The following CUL1 variants were observed in gnomAD, a reference collection of about 807,000 sequenced individuals.
CUL1 encodes the protein cullin-1.
Under a neutral mutation model 118.0 loss-of-function variants are expected in CUL1, and 24 were observed. That is an observed-to-expected ratio of 0.20 (90% confidence interval 0.15 to 0.29). The LOEUF (loss-of-function observed/expected upper bound fraction) is 0.29, where lower values mean the gene tolerates loss of function less well. CUL1 is among the 10% of genes least tolerant of loss of function. CUL1 has a pLI of 1.00. For missense variants in CUL1, 361 were observed against 933.8 expected, an observed-to-expected ratio of 0.39 and a Z score of 7.99; for synonymous variants, 332 against 340.4, an observed-to-expected ratio of 0.98 and a Z score of 0.27.
chr7:148,797,322 A>C (rs1801234252), intron 17 of CUL1, among the ~76,000 whole-genome samples: 1 of 151,200 alleles, frequency 6.6e-6, no homozygotes, highest in Non-Finnish European at 1.5e-5. Context: ...TACAGGTTCA[A>C]CATCCCTAAT....
chr7:148,712,305 G>C (rs1402284085), intron 1 of CUL1, among the ~76,000 whole-genome samples: 1 of 152,198 alleles, frequency 6.6e-6, no homozygotes, highest in Non-Finnish European at 1.5e-5. Context: ...TTTCATGGTA[G>C]AATGAAAGAT....
chr7:148,716,645 A>G (rs778752312), intron 1 of CUL1, among the ~76,000 whole-genome samples: 1 of 152,246 alleles, frequency 6.6e-6, no homozygotes, highest in Non-Finnish European at 1.5e-5. Context: ...AGAAAAATGT[A>G]TCTACACTTA....
At chr7:148,742,967 T>C (rs982199996) in intron 2 of CUL1, among the ~76,000 whole-genome samples, 1 of 152,238 alleles carries the variant, frequency 6.6e-6, no homozygotes, top group African/African-American at 2.4e-5. Context: ...TTTTTAGCCT[T>C]ATTCTGCAAA....
intron 1 of CUL1, among the ~76,000 whole-genome samples, chr7:148,703,707 A>G (rs1797791336): frequency 6.6e-6 from 1 of 151,448 alleles, no homozygotes; most frequent in African/African-American, 2.4e-5. Context: ...AATTTTTTGT[A>G]TTTTTAGTAG....
intron 9 of CUL1, among the ~76,000 whole-genome samples, chr7:148,775,568 AAG>A (rs1362972075): frequency 5.9e-5 from 9 of 152,232 alleles, no homozygotes; most frequent in Non-Finnish European, 1.0e-4. Flanking sequence ...GGAAAGGAGA[AAG>A]AGTGTCTTTA....
chr7:148,796,643 G>A (rs1801208622), intron 17 of CUL1, among the ~76,000 whole-genome samples: 1 of 152,154 alleles, frequency 6.6e-6, no homozygotes, highest in Non-Finnish European at 1.5e-5. Context: ...TGAGGACAGG[G>A]CTGACAGGTG....
chr7:148,718,253 C>G, intron 1 of CUL1, among the ~76,000 whole-genome samples: 1 of 152,188 alleles, frequency 6.6e-6, no homozygotes, highest in Non-Finnish European at 1.5e-5. Context: ...ATAAAAGTCA[C>G]TCATTTAAAA....
At chr7:148,797,022 C>T (rs1801223430) in intron 17 of CUL1, among the ~76,000 whole-genome samples, 1 of 152,112 alleles carries the variant, frequency 6.6e-6, no homozygotes, top group Admixed American at 6.6e-5. Flanking sequence ...CAGGCTGGTC[C>T]CTTGGATTTC....
chr7:148,714,891 GTTTGT>G (rs1798165017), intron 1 of CUL1, among the ~76,000 whole-genome samples: 1 of 152,102 alleles, frequency 6.6e-6, no homozygotes, highest in South Asian at 2.1e-4. Flanking sequence ...TTGTTTGTTT[GTTTGT>G]TTTGTGTGTG....
At chr7:148,777,285 G>A (rs754184367) in intron 9 of CUL1, among the ~76,000 whole-genome samples, 9 of 152,152 alleles carry the variant, frequency 5.9e-5, no homozygotes, top group Non-Finnish European at 1.2e-4. Context: ...TGTGGTCTGA[G>A]GTGCAGAGCC....
intron 17 of CUL1, among the ~76,000 whole-genome samples, chr7:148,795,769 CAAAAAA>C (rs915978562): frequency 3.6e-5 from 2 of 56,100 alleles, no homozygotes; most frequent in East Asian, 5.9e-4. Context: ...GACTCTGTCT[CAAAAAA>C]AAAAAAAAAA....
At chr7:148,721,634 G>A (rs1003879580) in intron 1 of CUL1, among the ~76,000 whole-genome samples, 1 of 151,986 alleles carries the variant, frequency 6.6e-6, no homozygotes, top group Non-Finnish European at 1.5e-5. Context: ...CATTCATGTC[G>A]GGGAGAGCTA....
chr7:148,715,743 C>T, intron 1 of CUL1, among the ~76,000 whole-genome samples: 1 of 152,132 alleles, frequency 6.6e-6, no homozygotes, highest in Non-Finnish European at 1.5e-5. Flanking sequence ...CTTTGGGCTA[C>T]AATTTTTAAA....
Position 148,716,028 on chromosome 7 carries a change from G to A in CUL1, c.-161-13934G>A, listed in dbSNP as rs150063965. Among the ~76,000 whole-genome samples the A allele has an allele frequency of 1.9e-3, 283 of 152,148 alleles. 1 individual carries two copies. The highest frequency in any genetic ancestry group is 6.1e-3 in the African/African-American group (253 of 41,492). ...TAATCTAGAACTGCCATGATATTTC[G>A]TACTTGTGAGTTCATATTTATTTAC... On this transcript the variant is annotated intron_variant, in intron 1 of 21. Transcript: ENST00000325222.
rs1169509086 is a variant in CUL1 at position 148,740,244 on chromosome 7, A to G, written c.140+9982A>G. ...ATTTTTTTGTATTTTTAACAGAGACAGGATTTCACCATGTTGGCCAGGCTG... is the reference window on the plus strand; with the variant it reads ...ATTTTTTTGTATTTTTAACAGAGACGGGATTTCACCATGTTGGCCAGGCTG... On this transcript the variant is annotated intron_variant, in intron 2 of 21. Coordinates refer to ENST00000325222, the MANE Select transcript of CUL1 (RefSeq NM_003592.3). Among the ~76,000 whole-genome samples the G allele has an allele frequency of 3.9e-5, 6 of 152,152 alleles. No individual in the cohort carries two copies. The East Asian group carries it at 1.2e-3, about 29-fold the overall frequency.
chr7:148,795,085 G>A (rs1051208760), intron 17 of CUL1, among the ~76,000 whole-genome samples: 8 of 152,074 alleles, frequency 5.3e-5, no homozygotes, highest in East Asian at 3.9e-4. Context: ...TGCCTGCCTC[G>A]GCCTCCCAAA....
At chr7:148,794,061 A>G (rs1801104613) in intron 17 of CUL1, among the ~76,000 whole-genome samples, 2 of 151,942 alleles carry the variant, frequency 1.3e-5, no homozygotes, top group African/African-American at 4.8e-5. Flanking sequence ...GAAATGTTTG[A>G]TCAAATTCTT....
At chr7:148,789,882 C>T in intron 15 of CUL1, 56 bp downstream of exon 15, 7 of 1,514,968 alleles carry the variant, frequency 4.6e-6, no homozygotes, top group Non-Finnish European at 6.4e-6. Flanking sequence ...TGGGGCAGGG[C>T]AGCCTTCACT....
intron 1 of CUL1, among the ~76,000 whole-genome samples, chr7:148,719,886 A>G (rs1426217372): frequency 6.6e-6 from 1 of 152,218 alleles, no homozygotes; most frequent in Non-Finnish European, 1.5e-5. Context: ...AACTCTTGGT[A>G]GCACACTTCT....
Sources: allele counts gnomAD v4.1 joint callset (sites outside exome capture counted in the v4.1 genomes callset), GRCh38; gene constraint gnomAD v4.1.1; transcripts MANE v1.5; gene names NCBI Gene and HGNC (gene_info 2026-07-23, HGNC 2026-07-21).